The following SLC2A5 variants were observed in gnomAD, a reference collection of about 807,000 sequenced individuals.
The protein encoded by SLC2A5 is solute carrier family 2 member 5.
Under a neutral mutation model 50.3 loss-of-function variants are expected in SLC2A5, and 56 were observed. That is an observed-to-expected ratio of 1.11 (90% CI 0.90 to 1.39). The LOEUF (loss-of-function observed/expected upper bound fraction) is 1.39. Among genes scored for constraint, SLC2A5 ranks in the 40% most tolerant of loss-of-function variants. The pLI, the probability that SLC2A5 is intolerant of heterozygous loss-of-function variation, is 0.00. For synonymous variants in SLC2A5, 269 were observed against 281.9 expected, an observed-to-expected ratio of 0.95 and a Z score of 0.46; for missense variants, 566 against 650.1, an observed-to-expected ratio of 0.87 and a Z score of 1.41.
chr1:9,081,937 TC>T (rs1642358114), intron 2 of SLC2A5, among the ~76,000 whole-genome samples: 1 of 151,920 alleles, frequency 6.6e-6, no homozygotes, highest in South Asian at 2.1e-4. Context: ...CAAAAATTAG[TC>T]AGGTGTGTTG....
upstream of SLC2A5, among the ~76,000 whole-genome samples, chr1:9,072,835 G>A (rs1364027963): frequency 4.0e-5 from 6 of 151,304 alleles, no homozygotes; most frequent in South Asian, 4.2e-4. Context: ...GGTGGTGTGC[G>A]CCTGTAATTC....
chr1:9,052,227 T>C (rs1362871586), intron 3 of SLC2A5, among the ~76,000 whole-genome samples: 2 of 152,140 alleles, frequency 1.3e-5, no homozygotes, highest in Admixed American at 1.3e-4. Context: ...GAGGTTGCAG[T>C]GAGCCGAGAT....
chr1:9,087,351 CCCA>C (rs1298725514), intron 1 of SLC2A5, among the ~76,000 whole-genome samples: 5 of 151,956 alleles, frequency 3.3e-5, no homozygotes, highest in African/African-American at 9.7e-5. Flanking sequence ...ACTACAGGCA[CCCA>C]CCACCATGCC....
chr1:9,069,579 C>A lies in SLC2A5; in HGVS notation c.-43G>T. On this transcript the variant is annotated 5_prime_UTR_variant, in exon 1 of 12. Coordinates refer to ENST00000377424, the MANE Select transcript of SLC2A5 (RefSeq NM_003039.3). The stretch of plus-strand genomic sequence containing the variant: ...AGAGTGCCGCTCACCTCCTTTTAGC[C>A]AAAGTAACGCGTGCACTGAATGGAG... 2 of 1,611,050 alleles carry A rather than the reference C, an allele frequency of 1.2e-6. No homozygotes were observed. Among genetic ancestry groups the A allele is most frequent in the East Asian group, 4.5e-5 (2 of 44,868 alleles).
At position 9,039,936 on chromosome 1, in the gene SLC2A5, A is replaced by G; in HGVS notation, c.749T>C (p.Ile250Thr). The change falls in exon 7 of 12, where the codon ATC (isoleucine) becomes ACC (threonine). Residue 250 changes from isoleucine (I) to threonine (T), a missense_variant. Coordinates refer to ENST00000377424, the MANE Select transcript of SLC2A5 (RefSeq NM_003039.3). ...WDSVDREVAE[I>T]RQEDEAEKAA... Reference sequence around the variant, plus strand: ...CTTCTCTGCCTCATCCTCCTGCCGGATCTCGGCCACCTCCCTGTCCACAGA... The same window carrying G: ...CTTCTCTGCCTCATCCTCCTGCCGGGTCTCGGCCACCTCCCTGTCCACAGA... 6.2e-7 allele frequency: 1 copy of G among 1,612,880 alleles called. No homozygotes were observed. Among genetic ancestry groups the G allele is most frequent in the Non-Finnish European group, 8.5e-7 (1 of 1,179,792 alleles).
intron 1 of SLC2A5, among the ~76,000 whole-genome samples, chr1:9,067,904 C>T (rs56129826): frequency 0.17 from 25,671 of 152,068 alleles, 2,724 homozygotes; most frequent in Admixed American, 0.24. Context: ...GTAACATTTA[C>T]GATGGCCGGG....
At chr1:9,060,604 T>C (rs1214214195) in intron 1 of SLC2A5, among the ~76,000 whole-genome samples, 6 of 53,568 alleles carry the variant, frequency 1.1e-4, no homozygotes, top group Non-Finnish European at 1.4e-4. Flanking sequence ...TAGGCAGAAA[T>C]ACACACACCA....
chr1:9,037,786 C>A lies in SLC2A5; in HGVS notation c.1306G>T (p.Gly436Cys). 6.2e-7 allele frequency: 1 copy of A among 1,614,112 alleles called. No individual in the cohort carries two copies. The highest frequency in any genetic ancestry group is 8.5e-7 in the Non-Finnish European group (1 of 1,180,038). The change falls in exon 12 of 12, where the codon GGC becomes TGC. Residue 436 changes from glycine (G) to cysteine (C), a missense_variant. Physicochemically the swap from Gly to Cys is radical, Grantham distance 159. Transcript: ENST00000377424. ...ACAATGAAGCTGTACGGGCCGAGGC[C>A]CTCCTGCGGGAAGAGGGGCAGGTGA... ...VGLIFPFIQE[G>C]LGPYSFIVFA...
chr1:9,039,878 G>T lies in SLC2A5; in HGVS notation c.807C>A (p.Phe269Leu), dbSNP rs749076748. ...AAGFISVLKL[F>L]RMRSLRWQLL... Reference sequence around the variant, plus strand: ...GCTGCCAGCGCAGCGAGCGCATCCGGAACAGCTTCAGCACGGAGATGAAGC... The same window carrying T: ...GCTGCCAGCGCAGCGAGCGCATCCGTAACAGCTTCAGCACGGAGATGAAGC... Residue 269 changes from phenylalanine (F) to leucine (L), a missense_variant, in exon 7 of 12, where the codon TTC becomes TTA. Physicochemically the swap from Phe to Leu is conservative, Grantham distance 22 (BLOSUM62 0). Transcript: ENST00000377424. 52 of 1,612,486 alleles carry T rather than the reference G, an allele frequency of 3.2e-5. 3 individuals are homozygous for T. The highest frequency in any genetic ancestry group is 3.1e-4 in the South Asian group (28 of 91,058).
Position 9,069,618 on chromosome 1 carries a change from T to C in SLC2A5, c.-82A>G, listed in dbSNP as rs1252519222. The C allele has an allele frequency of 1.3e-6, 2 of 1,528,090 alleles. No individual in the cohort carries two copies. Among genetic ancestry groups the C allele is most frequent in the Non-Finnish European group, 1.8e-6 (2 of 1,105,492 alleles). The allele number at this position is 1,528,090 out of a possible 1,614,324, so 94.7% of individuals were successfully genotyped here. On this transcript the variant is annotated 5_prime_UTR_variant, in exon 1 of 12. Transcript: ENST00000377424. Reference sequence around the variant, plus strand: ...CACTGAATGGAGAGAGAAGACATTCTGGGTGCACTTTGGCCATGCCAAATA... The same window carrying C: ...CACTGAATGGAGAGAGAAGACATTCCGGGTGCACTTTGGCCATGCCAAATA...
At chr1:9,077,636 T>C (rs1217852224) in intron 2 of SLC2A5, among the ~76,000 whole-genome samples, 2 of 150,202 alleles carry the variant, frequency 1.3e-5, no homozygotes, top group South Asian at 2.1e-4. Flanking sequence ...GCACCTGTAA[T>C]TCCAGCTACT....
At chr1:9,058,692 C>T (rs1444635187) in intron 1 of SLC2A5, among the ~76,000 whole-genome samples, 2 of 152,240 alleles carry the variant, frequency 1.3e-5, no homozygotes, top group Admixed American at 6.5e-5. Flanking sequence ...ATTCCTGCCA[C>T]GTGGGGCATT....
chr1:9,081,279 A>AAC (rs1642348552), intron 2 of SLC2A5, among the ~76,000 whole-genome samples: 1 of 93,338 alleles, frequency 1.1e-5, no homozygotes, highest in South Asian at 3.6e-4. Flanking sequence ...AAAAAAAAAA[A>AAC]CCCCAAAAAA....
At chr1:9,068,274 C>T (rs1642135573) in intron 1 of SLC2A5, among the ~76,000 whole-genome samples, 1 of 149,662 alleles carries the variant, frequency 6.7e-6, no homozygotes, top group South Asian at 2.1e-4. Context: ...AGGTACTTTA[C>T]ATGCATTATC....
chr1:9,068,949 A>G (rs2124454915), intron 1 of SLC2A5, among the ~76,000 whole-genome samples: 1 of 152,352 alleles, frequency 6.6e-6, no homozygotes, highest in African/African-American at 2.4e-5. Context: ...TCTAGAAAGT[A>G]AACTGCAATT....
At chr1:9,081,394 C>T (rs150126093) in intron 2 of SLC2A5, among the ~76,000 whole-genome samples, 259 of 146,016 alleles carry the variant, frequency 1.8e-3, no homozygotes, top group African/African-American at 6.4e-3. Flanking sequence ...ATATTCCCAG[C>T]GACTTGGGAA....
intron 4 of SLC2A5, among the ~76,000 whole-genome samples, chr1:9,042,741 A>G (rs1641338842): frequency 6.6e-6 from 1 of 151,812 alleles, no homozygotes; most frequent in Non-Finnish European, 1.5e-5. Context: ...TGTATGGCCC[A>G]GGACCCCTAG....
chr1:9,048,454 G>A (rs989528648), intron 3 of SLC2A5, among the ~76,000 whole-genome samples: 25 of 152,050 alleles, frequency 1.6e-4, no homozygotes, highest in African/African-American at 6.0e-4. Context: ...GGAGGTTGCC[G>A]TGAGCTGAGA....
upstream of SLC2A5, chr1:9,069,773 T>C (rs768320460): frequency 1.9e-5 from 11 of 569,510 alleles, no homozygotes; most frequent in Non-Finnish European, 3.5e-5. Context: ...CCCTGGGGAC[T>C]GCAGGCCCAG....
Sources: allele counts gnomAD v4.1 joint callset (sites outside exome capture counted in the v4.1 genomes callset), GRCh38; gene constraint gnomAD v4.1.1; transcripts MANE v1.5; gene names NCBI Gene and HGNC (gene_info 2026-07-23, HGNC 2026-07-21).